Variants in GLYR1 observed in about 807,000 individuals in gnomAD.
The protein encoded by GLYR1 is glyoxylate reductase 1 homolog.
In GLYR1, 21 loss-of-function variants were observed where a neutral mutation model predicts 72.7. The ratio of observed to expected loss-of-function variants is 0.29; its 90% CI spans 0.20 to 0.42. The LOEUF (loss-of-function observed/expected upper bound fraction) is 0.42. GLYR1 is among the 10% of genes least tolerant of loss of function. The probability of loss-of-function intolerance (pLI) is 1.00; values close to 1 mark genes in which losing one functional copy is unlikely to be tolerated. For missense variants in GLYR1, 594 were observed against 712.1 expected (o/e 0.83, Z 1.89); for synonymous variants, 392 against 270.2 (o/e 1.45, Z -4.42).
intron 15 of GLYR1, among the ~76,000 whole-genome samples, chr16:4,809,439 C>T (rs1174391010): frequency 2.0e-5 from 3 of 150,442 alleles, no homozygotes; most frequent in East Asian, 2.0e-4. Context: ...AGTGGAACCC[C>T]GTCTTTACTA....
In GLYR1 at chr16:4,845,165, AAG is replaced by A; in HGVS notation, c.76-14_76-13del. On this transcript the variant is annotated splice_polypyrimidine_tract_variant and intron_variant, in intron 2 of 15. Coordinates refer to ENST00000321919, the MANE Select transcript of GLYR1 (RefSeq NM_032569.4). The stretch of plus-strand genomic sequence containing the variant: ...GGTGGATTAACAATCTGGAGGATAA[AAG>A]GGGGGAAAAAGGTTGGCTGGCAACA... The A allele has an allele frequency of 1.2e-6, 2 of 1,609,572 alleles. No homozygotes were observed. The highest frequency in any genetic ancestry group is 1.7e-6 in the Non-Finnish European group (2 of 1,175,878).
chr16:4,825,398 T>C (rs2084314831), intron 5 of GLYR1, among the ~76,000 whole-genome samples: 1 of 152,216 alleles, frequency 6.6e-6, no homozygotes, highest in Non-Finnish European at 1.5e-5. Context: ...ACCCTTGTGC[T>C]ACTTGGAACG....
At chr16:4,829,014 G>A (rs570251424) in intron 5 of GLYR1, among the ~76,000 whole-genome samples, 1 of 152,094 alleles carries the variant, frequency 6.6e-6, no homozygotes, top group Non-Finnish European at 1.5e-5. Flanking sequence ...AATAAACTCA[G>A]AAGTCACATT....
At chr16:4,837,793 C>T (rs542720692) in intron 3 of GLYR1, among the ~76,000 whole-genome samples, 21 of 151,742 alleles carry the variant, frequency 1.4e-4, no homozygotes, top group Admixed American at 9.2e-4. Context: ...TAGCTAGGTG[C>T]GGTGGCATGC....
intron 14 of GLYR1, 101 bp from the exon 15 acceptor site, chr16:4,811,395 A>G (rs2083315273): frequency 6.7e-7 from 1 of 1,500,262 alleles, no homozygotes; most frequent in Admixed American, 1.8e-5. Context: ...CTCAGGGCTC[A>G]GTTCCACATA....
chr16:4,819,062 T>C (rs2083836514), intron 9 of GLYR1, among the ~76,000 whole-genome samples: 1 of 152,244 alleles, frequency 6.6e-6, no homozygotes, highest in East Asian at 1.9e-4. Flanking sequence ...GTGTCTTTTC[T>C]TGATTCTTGT....
At chr16:4,844,653 C>T (rs1039366484) in intron 3 of GLYR1, among the ~76,000 whole-genome samples, 11 of 152,136 alleles carry the variant, frequency 7.2e-5, no homozygotes, top group Non-Finnish European at 1.6e-4. Flanking sequence ...CCCAGCTACT[C>T]GGGAGGCTGA....
In GLYR1 at chr16:4,844,093, GAC is replaced by G. The variant is rs888009099; in HGVS notation, c.155+979_155+980del. ...CATGCCACTGCACTCCAGCCTGGGTGACAGAGTGAAACTCCATCTCAAAAAAA... is the reference window on the plus strand; with the variant it reads ...CATGCCACTGCACTCCAGCCTGGGTGAGAGTGAAACTCCATCTCAAAAAAA... On this transcript the variant is annotated intron_variant, in intron 3 of 15. Transcript: ENST00000321919. 4.2e-4 allele frequency among the ~76,000 whole-genome samples: 54 copies of G among 129,468 alleles called. 1 individual carries two copies. Among genetic ancestry groups the G allele is most frequent in the Non-Finnish European group, 5.3e-4 (34 of 63,906 alleles). The allele number at this position is 129,468 out of a possible 152,430, so 84.9% of individuals were successfully genotyped here. A position where few individuals can be genotyped will look rare whatever the true frequency, so the allele number is the denominator to read the frequency against.
intron 5 of GLYR1, among the ~76,000 whole-genome samples, chr16:4,826,304 C>G (rs2084376527): frequency 6.6e-6 from 1 of 152,104 alleles, no homozygotes; most frequent in African/African-American, 2.4e-5. Flanking sequence ...TAGGGTCTTG[C>G]TATGTTGGCC....
chr16:4,824,305 GA>G (rs1226162172), intron 5 of GLYR1, among the ~76,000 whole-genome samples: 1 of 152,042 alleles, frequency 6.6e-6, no homozygotes, highest in Non-Finnish European at 1.5e-5. Context: ...ATGAGGTCAA[GA>G]GATCGAGACC....
At chr16:4,826,624 T>TG (rs1396965938) in intron 5 of GLYR1, among the ~76,000 whole-genome samples, 2 of 152,208 alleles carry the variant, frequency 1.3e-5, no homozygotes, top group African/African-American at 2.4e-5. Context: ...CAGAGGTTTT[T>TG]GGGGGAAAAG....
chr16:4,832,748 T>G, intron 4 of GLYR1, 26 bp downstream of exon 4: 1 of 1,591,282 alleles, frequency 6.3e-7, no homozygotes, highest in Non-Finnish European at 8.6e-7. Flanking sequence ...CTGGCATTGG[T>G]AGAAAGTGAA....
At chr16:4,834,485 CAG>C (rs1368221895) in intron 3 of GLYR1, among the ~76,000 whole-genome samples, 6 of 149,026 alleles carry the variant, frequency 4.0e-5, no homozygotes, top group African/African-American at 7.4e-5. Context: ...CTTTTTGAGA[CAG>C]AGTCTCATTT....
At chr16:4,808,617 A>AATAAAATAAAATAAC (rs2083138637) in intron 15 of GLYR1, among the ~76,000 whole-genome samples, 2 of 152,154 alleles carry the variant, frequency 1.3e-5, no homozygotes, top group African/African-American at 4.8e-5. Flanking sequence ...AATAAAATAA[A>AATAAAATAAAATAAC]ATAAAATAAC....
chr16:4,814,204 T>C (rs1334794005), intron 11 of GLYR1, among the ~76,000 whole-genome samples: 1 of 152,120 alleles, frequency 6.6e-6, no homozygotes, highest in East Asian at 1.9e-4. Context: ...AATATACAAA[T>C]ACAGTGACAG....
chr16:4,818,555 T>C (rs1273844371), intron 9 of GLYR1, among the ~76,000 whole-genome samples: 4 of 152,086 alleles, frequency 2.6e-5, no homozygotes, highest in Non-Finnish European at 5.9e-5. Flanking sequence ...AGTGCTGGGG[T>C]TGCAGGTGTG....
intron 2 of GLYR1, 128 bp from the exon 3 acceptor site, chr16:4,845,281 AATTT>A (rs1461504246): frequency 4.7e-6 from 3 of 642,818 alleles, no homozygotes; most frequent in Non-Finnish European, 8.3e-6. Flanking sequence ...CTTACAAATA[AATTT>A]ATTTATATAC....
At chr16:4,812,018 C>G in intron 13 of GLYR1, 68 bp downstream of exon 13, 2 of 1,542,482 alleles carry the variant, frequency 1.3e-6, no homozygotes. Context: ...GGGACTGACG[C>G]TGTCATCAGT....
chr16:4,846,798 C>A, intron 1 of GLYR1: 1 of 258,600 alleles, frequency 3.9e-6, no homozygotes, highest in South Asian at 4.3e-5. Context: ...GAGCCGGCCG[C>A]ACAGGTCGGC....
Sources: gnomAD v4.1 joint callset for allele counts (sites outside exome capture counted in the v4.1 genomes callset) on GRCh38, gnomAD v4.1.1 for gene constraint, MANE v1.5 for transcripts, NCBI Gene and HGNC (gene_info 2026-07-23, HGNC 2026-07-21) for gene names.